The following LMAN2L variants were observed in gnomAD, a reference collection of about 807,000 sequenced individuals.
LMAN2L encodes lectin, mannose binding 2 like.
Under a neutral mutation model 44.3 loss-of-function variants are expected in LMAN2L, and 30 were observed. The observed-to-expected ratio is 0.68, with a 90% CI of 0.51 to 0.92. The LOEUF is 0.92. Among genes scored for constraint, LMAN2L ranks in the 40% least tolerant of loss-of-function variants. The probability of loss-of-function intolerance (pLI) is 0.00; values close to 1 mark genes in which losing one functional copy is unlikely to be tolerated. For synonymous variants in LMAN2L, 183 were observed against 171.1 expected, an observed-to-expected ratio of 1.07 and a Z score of -0.54; for missense variants, 429 against 446.1, an observed-to-expected ratio of 0.96 and a Z score of 0.35.
At chr2:96,718,998 A>G (rs550932671) in intron 4 of LMAN2L, among the ~76,000 whole-genome samples, 1 of 152,334 alleles carries the variant, frequency 6.6e-6, no homozygotes, top group South Asian at 2.1e-4. Flanking sequence ...GAGGACTTCA[A>G]TAAAGAGTAC....
At position 96,718,166 on chromosome 2, in the gene LMAN2L, G is replaced by A. The variant is rs1006784432; in HGVS notation, c.508-6141C>T. ...AGACAGGGTTTCACCATGTTGGCCA[G>A]GCTAGTCTCAAACTCCTGACCTCAG... On this transcript the variant is annotated intron_variant, in intron 4 of 7. Transcript: ENST00000264963. 2.6e-5 allele frequency among the ~76,000 whole-genome samples: 4 copies of A among 152,164 alleles called. No individual in the cohort carries two copies. The South Asian group carries it at 8.3e-4, about 31-fold the overall frequency.
At chr2:96,738,122 G>A in intron 1 of LMAN2L, 55 bp from the exon 2 acceptor site, 1 of 1,226,222 alleles carries the variant, frequency 8.2e-7, no homozygotes, top group Non-Finnish European at 1.2e-6. Flanking sequence ...CATTCAGAAA[G>A]CAGCCACCAC....
At chr2:96,736,946 G>A (rs1408020875) in intron 2 of LMAN2L, among the ~76,000 whole-genome samples, 1 of 152,068 alleles carries the variant, frequency 6.6e-6, no homozygotes, top group Non-Finnish European at 1.5e-5. Context: ...CCTGAACAGG[G>A]AAAAGAAATC....
intron 7 of LMAN2L, 53 bp downstream of exon 7, chr2:96,707,661 C>T (rs2077813609): frequency 1.2e-6 from 2 of 1,608,920 alleles, no homozygotes; most frequent in Admixed American, 1.7e-5. Context: ...GGGTACAGCA[C>T]TGCAAGCTCC....
intron 2 of LMAN2L, chr2:96,737,226 G>A (rs987463457): frequency 6.9e-6 from 3 of 435,816 alleles, no homozygotes; most frequent in East Asian, 7.2e-5. Flanking sequence ...AGCTAGAAAA[G>A]GTCCAGAGAA....
rs964132641 is a variant in LMAN2L, at chr2:96,725,152, G to A, written c.507+8367C>T. On this transcript the variant is annotated intron_variant, in intron 4 of 7. Transcript: ENST00000264963. The stretch of plus-strand genomic sequence containing the variant: ...GGCCTATATTTTTAATAGAGACGGG[G>A]TTTCACCATCTTGGCCAGGATGGTC... Among the ~76,000 whole-genome samples the A allele has an allele frequency of 5.9e-5, 9 of 152,044 alleles. No individual in the cohort carries two copies. In the South Asian group the frequency reaches 1.7e-3, roughly 28 times the overall value.
At position 96,711,948 on chromosome 2, in the gene LMAN2L, T is replaced by C. The variant is rs2077931390; in HGVS notation, c.585A>G (p.Thr195=). Residue 195 remains threonine (T), a synonymous_variant, in exon 5 of 8, where the codon ACA becomes ACG. Coordinates refer to ENST00000264963, the MANE Select transcript of LMAN2L (RefSeq NM_030805.4). ...CAATGGCTGTGCAGCCTCCCAGCTC[T>C]GTAGGCCGCCCATCCCGCTCATGAT... ...SYDHERDGRP[T]ELGGCTAIVR... 3 of 1,614,060 alleles carry C rather than the reference T, an allele frequency of 1.9e-6. No homozygotes were observed. The highest frequency in any genetic ancestry group is 2.2e-5 in the East Asian group (1 of 44,898).
In LMAN2L at chr2:96,715,680, T is replaced by C. The variant is rs1345383471; in HGVS notation, c.508-3655A>G. Among the ~76,000 whole-genome samples, 5 of 152,260 alleles carry C rather than the reference T, an allele frequency of 3.3e-5. No individual in the cohort carries two copies. In the East Asian group the frequency reaches 9.6e-4, roughly 29 times the overall value. ...TTTTCAACTTTTTGTACTACAAGAC[T>C]ACTTTTAAAAAAGTGTTTTTTGAAG... On this transcript the variant is annotated intron_variant, in intron 4 of 7. Coordinates refer to ENST00000264963, the MANE Select transcript of LMAN2L (RefSeq NM_030805.4).
intron 4 of LMAN2L, among the ~76,000 whole-genome samples, chr2:96,727,518 G>C (rs1329461476): frequency 6.6e-6 from 1 of 152,148 alleles, no homozygotes; most frequent in East Asian, 1.9e-4. Flanking sequence ...TGTGGTCCCA[G>C]CTACTGGGAA....
chr2:96,707,464 A>G (rs2077809509), intron 7 of LMAN2L, 66 bp from the exon 8 acceptor site: 1 of 1,520,424 alleles, frequency 6.6e-7, no homozygotes, highest in Admixed American at 2.1e-5. Flanking sequence ...GGATCAAACT[A>G]TAGGCTGTCC....
At chr2:96,731,756 T>G (rs1470497460) in intron 4 of LMAN2L, among the ~76,000 whole-genome samples, 1 of 152,158 alleles carries the variant, frequency 6.6e-6, no homozygotes, top group Non-Finnish European at 1.5e-5. Context: ...TTCTAATTTT[T>G]TTTGTTTATT....
intron 4 of LMAN2L, among the ~76,000 whole-genome samples, chr2:96,722,594 G>A (rs2078181988): frequency 6.6e-6 from 1 of 152,162 alleles, no homozygotes; most frequent in Admixed American, 6.5e-5. Context: ...TCACTTGCTC[G>A]CCCACCATTC....
At chr2:96,728,163 A>G (rs2078309179) in intron 4 of LMAN2L, among the ~76,000 whole-genome samples, 2 of 152,162 alleles carry the variant, frequency 1.3e-5, no homozygotes, top group South Asian at 4.2e-4. Context: ...TACTTTCCAT[A>G]CTCTCTGGAC....
intron 4 of LMAN2L, among the ~76,000 whole-genome samples, chr2:96,719,430 T>C (rs2078104951): frequency 6.6e-6 from 1 of 151,922 alleles, no homozygotes; most frequent in South Asian, 2.1e-4. Flanking sequence ...GAGACCACTT[T>C]GGGATCAGTG....
At chr2:96,711,076 G>A (rs2077904437) in intron 6 of LMAN2L, among the ~76,000 whole-genome samples, 2 of 152,324 alleles carry the variant, frequency 1.3e-5, no homozygotes, top group East Asian at 3.9e-4. Context: ...AATGAGCTGA[G>A]GAGGACAAAG....
rs1238411662 is a variant in LMAN2L, at chr2:96,736,465, C to T, written c.306+1484G>A. ...AGTCGAAAAAGGGAAGAACTAGAGG[C>T]TATACTAGAACTGCTGCTACAAGTT... On this transcript the variant is annotated intron_variant, in intron 2 of 7. Transcript: ENST00000264963. Among the ~76,000 whole-genome samples the T allele has an allele frequency of 3.9e-5, 6 of 152,160 alleles. No individual in the cohort carries two copies. In the East Asian group the frequency reaches 9.6e-4, roughly 24 times the overall value.
intron 2 of LMAN2L, 51 bp downstream of exon 2, chr2:96,737,898 A>G (rs2078548952): frequency 1.7e-6 from 2 of 1,144,042 alleles, no homozygotes; most frequent in Non-Finnish European, 2.7e-6. Flanking sequence ...CCACTGCTGA[A>G]CTTTTTAGGC....
At chr2:96,728,112 C>A (rs2078307498) in intron 4 of LMAN2L, among the ~76,000 whole-genome samples, 1 of 152,202 alleles carries the variant, frequency 6.6e-6, no homozygotes, top group Non-Finnish European at 1.5e-5. Context: ...TGATTTTACC[C>A]TCTTAGATAG....
chr2:96,713,492 G>A (rs1378888806), intron 4 of LMAN2L, among the ~76,000 whole-genome samples: 2 of 152,124 alleles, frequency 1.3e-5, no homozygotes, highest in Non-Finnish European at 2.9e-5. Flanking sequence ...CGCTGTCCAG[G>A]CACGCCGCAC....
Sources: allele counts gnomAD v4.1 joint callset (sites outside exome capture counted in the v4.1 genomes callset), GRCh38; gene constraint gnomAD v4.1.1; transcripts MANE v1.5; gene names NCBI Gene and HGNC (gene_info 2026-07-23, HGNC 2026-07-21).